DLGAP2: variants seen among roughly 807,000 people sequenced by gnomAD.
DLGAP2 encodes DLG associated protein 2.
Under a neutral mutation model 100.3 loss-of-function variants are expected in DLGAP2, and 26 were observed. The observed-to-expected ratio is 0.26, with a 90% CI of 0.19 to 0.36. The LOEUF (loss-of-function observed/expected upper bound fraction) is 0.36. Ranked by LOEUF, DLGAP2 falls within the 10% of genes least tolerant of loss-of-function variation. The probability of loss-of-function intolerance (pLI) is 1.00; values close to 1 mark genes in which losing one functional copy is unlikely to be tolerated. For missense variants in DLGAP2, 1,858 were observed against 1,453.2 expected (o/e 1.28, Z -4.53); for synonymous variants, 886 against 630.1 (o/e 1.41, Z -6.08).
rs182089810 is a variant in DLGAP2 at position 1,094,592 on chromosome 8, G to A, written c.74-164259G>A. Among the ~76,000 whole-genome samples, 6 of 152,316 alleles carry A rather than the reference G, an allele frequency of 3.9e-5. No individual in the cohort carries two copies. The East Asian group carries it at 5.8e-4, about 15-fold the overall frequency. The stretch of plus-strand genomic sequence containing the variant: ...GTCTTGTTTCTATGGCGACAGCGAC[G>A]AGCTGCAGCTTGAATTCCTCGGCTC... On this transcript the variant is annotated intron_variant, in intron 2 of 14. Coordinates refer to ENST00000637795, the MANE Select transcript of DLGAP2 (RefSeq NM_001346810.2).
intron 11 of DLGAP2, among the ~76,000 whole-genome samples, chr8:1,677,941 G>A (rs905599923): frequency 2.0e-5 from 3 of 152,226 alleles, no homozygotes; most frequent in Non-Finnish European, 2.9e-5. Flanking sequence ...CAAGAAACAC[G>A]TTAACTCTCA....
chr8:1,271,537 A>G (rs1223202516), intron 3 of DLGAP2, among the ~76,000 whole-genome samples: 1 of 152,244 alleles, frequency 6.6e-6, no homozygotes, highest in Non-Finnish European at 1.5e-5. Context: ...AGATAGTTGT[A>G]CATCCGAGAA....
chr8:883,715 C>G (rs186315381), intron 1 of DLGAP2, among the ~76,000 whole-genome samples: 4 of 150,544 alleles, frequency 2.7e-5, no homozygotes, highest in African/African-American at 7.3e-5. Context: ...GTGCCGCGGC[C>G]GTTCGTTACG....
intron 3 of DLGAP2, among the ~76,000 whole-genome samples, chr8:1,376,326 C>A (rs551127128): frequency 6.6e-6 from 1 of 152,230 alleles, no homozygotes; most frequent in Admixed American, 6.5e-5. Context: ...ACTCCATCAG[C>A]CAGCTCCTGT....
chr8:973,864 C>G (rs1483313180), intron 2 of DLGAP2, among the ~76,000 whole-genome samples: 1 of 16 alleles, frequency 0.062, no homozygotes, highest in African/African-American at 0.25. Context: ...CGGCTGCGAC[C>G]ACGGGCCAGG....
intron 2 of DLGAP2, among the ~76,000 whole-genome samples, chr8:1,195,844 C>T (rs935832): frequency 0.16 from 23,641 of 152,180 alleles, 2,175 homozygotes; most frequent in East Asian, 0.23. Flanking sequence ...TAGATACGTT[C>T]TGCGAAAACG....
intron 6 of DLGAP2, among the ~76,000 whole-genome samples, chr8:1,623,683 G>C (rs771728527): frequency 8.5e-5 from 13 of 152,226 alleles, no homozygotes; most frequent in Admixed American, 3.3e-4. Context: ...GTGATGACCT[G>C]GCACCAGTGC....
At chr8:1,274,133 T>G (rs1332992901) in intron 3 of DLGAP2, among the ~76,000 whole-genome samples, 1 of 151,982 alleles carries the variant, frequency 6.6e-6, no homozygotes, top group Non-Finnish European at 1.5e-5. Flanking sequence ...ATAGAAAATT[T>G]TAAAATTATA....
intron 2 of DLGAP2, among the ~76,000 whole-genome samples, chr8:961,868 C>G (rs1001521490): frequency 1.3e-5 from 2 of 152,170 alleles, no homozygotes; most frequent in Admixed American, 6.5e-5. Flanking sequence ...ATGATGAGTA[C>G]TGGACTCGGG....
intron 3 of DLGAP2, among the ~76,000 whole-genome samples, chr8:1,372,221 G>A (rs1026287379): frequency 2.0e-4 from 18 of 88,010 alleles, no homozygotes; most frequent in African/African-American, 6.5e-4. Context: ...ACGCTGGGAC[G>A]CTGGTCACCG....
chr8:1,434,087 G>T (rs1309333207), intron 3 of DLGAP2, among the ~76,000 whole-genome samples: 1 of 152,152 alleles, frequency 6.6e-6, no homozygotes, highest in Non-Finnish European at 1.5e-5. Context: ...CTGTGCTATG[G>T]GCGTGGCTGC....
chr8:903,275 G>A (rs1447621045), intron 1 of DLGAP2, among the ~76,000 whole-genome samples: 1 of 152,088 alleles, frequency 6.6e-6, no homozygotes, highest in African/African-American at 2.4e-5. Flanking sequence ...GAATAGCTGG[G>A]TTTGGCTGTA....
intron 3 of DLGAP2, among the ~76,000 whole-genome samples, chr8:1,269,157 C>T (rs59708209): frequency 0.044 from 6,772 of 152,274 alleles, 297 homozygotes; most frequent in African/African-American, 0.12. Context: ...ACCTCTTCTC[C>T]GGGCCATGTT....
chr8:1,521,806 A>ATC (rs1428707687), intron 4 of DLGAP2, among the ~76,000 whole-genome samples: 3 of 129,858 alleles, frequency 2.3e-5, no homozygotes, highest in Non-Finnish European at 4.9e-5. Context: ...GATATGGGGC[A>ATC]TCTGGTTTGC....
At position 1,029,505 on chromosome 8, in the gene DLGAP2, G is replaced by A. The variant is rs1014460260; in HGVS notation, c.73+121539G>A. ...AGGTTCTGGGGGGATGGCCAAGGGC[G>A]TCCAGCGGTGCCGAGAGGTTCGGGT... On this transcript the variant is annotated intron_variant, in intron 2 of 14. Transcript: ENST00000637795. Among the ~76,000 whole-genome samples, 6 of 152,166 alleles carry A rather than the reference G, an allele frequency of 3.9e-5. No individual in the cohort carries two copies. The East Asian group carries it at 5.8e-4, about 15-fold the overall frequency.
chr8:781,240 C>G (rs1821678979), intron 1 of DLGAP2, among the ~76,000 whole-genome samples: 1 of 152,150 alleles, frequency 6.6e-6, no homozygotes, highest in Non-Finnish European at 1.5e-5. Context: ...AATTTATAAG[C>G]ATCATCAGAT....
At chr8:852,368 T>C (rs1439367895) in intron 1 of DLGAP2, among the ~76,000 whole-genome samples, 1 of 152,172 alleles carries the variant, frequency 6.6e-6, no homozygotes, top group Non-Finnish European at 1.5e-5. Context: ...AGATTGGCTT[T>C]TCACACGTGA....
At chr8:839,231 T>C (rs1005400157) in intron 1 of DLGAP2, among the ~76,000 whole-genome samples, 1 of 152,164 alleles carries the variant, frequency 6.6e-6, no homozygotes, top group Non-Finnish European at 1.5e-5. Flanking sequence ...TCCCACTTCT[T>C]GGCACAAATC....
intron 3 of DLGAP2, among the ~76,000 whole-genome samples, chr8:1,477,553 C>T (rs985346661): frequency 3.9e-5 from 6 of 152,190 alleles, no homozygotes; most frequent in East Asian, 1.9e-4. Context: ...GCCGGCAGCC[C>T]GGTGGTCATC....
Sources: gnomAD v4.1 joint callset for allele counts (sites outside exome capture counted in the v4.1 genomes callset) on GRCh38, gnomAD v4.1.1 for gene constraint, MANE v1.5 for transcripts, NCBI Gene and HGNC (gene_info 2026-07-23, HGNC 2026-07-21) for gene names.